The following TCP1 variants were observed in gnomAD, a reference collection of about 807,000 sequenced individuals.
TCP1 encodes the protein T-complex protein 1 subunit alpha.
Under a neutral mutation model 54.7 loss-of-function variants are expected in TCP1, and 6 were observed. That is an observed-to-expected ratio of 0.11 (90% CI 0.06 to 0.22). TCP1 has a LOEUF of 0.22. Ranked by LOEUF, TCP1 falls within the 10% of genes least tolerant of loss-of-function variation. TCP1 has a pLI of 1.00. For missense variants in TCP1, 511 were observed against 678.2 expected (o/e 0.75, Z 2.74); for synonymous variants, 225 against 229.7 (o/e 0.98, Z 0.19).
chr6:159,780,629 C>A, intron 8 of TCP1, 63 bp from the exon 9 acceptor site: 1 of 1,569,282 alleles, frequency 6.4e-7, no homozygotes, highest in Non-Finnish European at 8.6e-7. Flanking sequence ...TATCCTTGGA[C>A]TCAGTAGCAT....
At position 159,786,004 on chromosome 6, in the gene TCP1, AG is replaced by A; in HGVS notation, c.280-8del. 1 of 1,610,922 alleles carries A rather than the reference AG, an allele frequency of 6.2e-7. No individual in the cohort carries two copies. The highest frequency in any genetic ancestry group is 1.1e-5 in the South Asian group (1 of 90,980). On this transcript the variant is annotated splice_region_variant and splice_polypyrimidine_tract_variant and intron_variant, in intron 3 of 11. Coordinates refer to ENST00000321394, the MANE Select transcript of TCP1 (RefSeq NM_030752.3). The stretch of plus-strand genomic sequence containing the variant: ...GTTCTGCTGCAATAATAACCTGTTG[AG>A]AAAACATTCACTGGTCTGAGTGTGC...
At position 159,779,604 on chromosome 6, in the gene TCP1, A is replaced by C. The variant is rs767611091; in HGVS notation, c.1454+23T>G. ...TGCAACCTGTTCTGCAGAGGTTAAC[A>C]AAGAGCGGGAAACCATGCTTACCAT... is the stretch of plus-strand genomic sequence containing the variant. On this transcript the variant is annotated intron_variant, in intron 11 of 11. Transcript: ENST00000321394. The C allele has an allele frequency of 1.9e-6, 3 of 1,583,990 alleles. No individual in the cohort carries two copies. In the African/African-American group the frequency reaches 4.1e-5, roughly 22 times the overall value.
chr6:159,784,208 G>C (rs1780640019), intron 6 of TCP1, 141 bp from the exon 7 acceptor site: 3 of 1,048,138 alleles, frequency 2.9e-6, no homozygotes, highest in Non-Finnish European at 4.0e-6. Context: ...GGCATTAAAT[G>C]CACGTAATTT....
chr6:159,789,203 G>T (rs1780784950), intron 1 of TCP1: 4 of 570,342 alleles, frequency 7.0e-6, no homozygotes, highest in Non-Finnish European at 1.2e-5. Flanking sequence ...TGCCGCGCGC[G>T]GCGGGGCTCC....
At chr6:159,787,627 G>A (rs181961594) in intron 3 of TCP1, 116 bp downstream of exon 3, 17 of 1,273,790 alleles carry the variant, frequency 1.3e-5, no homozygotes, top group Admixed American at 6.9e-5. Context: ...AATCTTCTGG[G>A]CATTCAGAAT....
intron 7 of TCP1, among the ~76,000 whole-genome samples, chr6:159,782,301 CT>C (rs1270219897): frequency 6.6e-6 from 1 of 152,138 alleles, no homozygotes; most frequent in Non-Finnish European, 1.5e-5. Context: ...TCAAAAGCAG[CT>C]TGTCTACTAA....
At position 159,779,256 on chromosome 6, in the gene TCP1, C is replaced by G; in HGVS notation, c.1460G>C (p.Gly487Ala). ...AGGTTTACCATTGCTCAAATCAAGA[C>G]CAATCCTGCAATTAAGAAAGAATTA... ...NPERKNLKWI[G>A]LDLSNGKPRD... The change falls in exon 12 of 12, where the codon GGT becomes GCT. Residue 487 changes from glycine to alanine, a missense_variant. Physicochemically the swap from Gly to Ala is moderately conservative, Grantham distance 60. Coordinates refer to ENST00000321394, the MANE Select transcript of TCP1 (RefSeq NM_030752.3). 6.2e-7 allele frequency: 1 copy of G among 1,612,854 alleles called. No homozygotes were observed. Among genetic ancestry groups the G allele is most frequent in the Non-Finnish European group, 8.5e-7 (1 of 1,179,240 alleles).
intron 7 of TCP1, among the ~76,000 whole-genome samples, chr6:159,782,888 A>G (rs1780609791): frequency 6.6e-6 from 1 of 152,220 alleles, no homozygotes; most frequent in African/African-American, 2.4e-5. Flanking sequence ...GGACATAATC[A>G]AAGGGTTGCT....
rs2114989924 is a variant in TCP1 at position 159,780,105 on chromosome 6, A to G, written c.1098-18T>C. ...CCTTAGTACTGTTCAAAACAAAAGT[A>G]CAATTCTTGTAATAGCATTTTTAAA... On this transcript the variant is annotated intron_variant, in intron 9 of 11. Transcript: ENST00000321394. 6.3e-7 allele frequency: 1 copy of G among 1,591,526 alleles called. No individual in the cohort carries two copies. The highest frequency in any genetic ancestry group is 8.5e-7 in the Non-Finnish European group (1 of 1,171,120).
chr6:159,787,496 CTACT>C (rs1235068709), intron 3 of TCP1, among the ~76,000 whole-genome samples: 1 of 152,142 alleles, frequency 6.6e-6, no homozygotes, highest in African/African-American at 2.4e-5. Flanking sequence ...AAATTCTTTC[CTACT>C]TAAACTGTAC....
chr6:159,786,053 C>T (rs188421243), intron 3 of TCP1, 56 bp from the exon 4 acceptor site: 3 of 1,385,732 alleles, frequency 2.2e-6, no homozygotes, highest in East Asian at 2.3e-5. Flanking sequence ...ATGTGCAATA[C>T]ATATGGAATG....
intron 7 of TCP1, among the ~76,000 whole-genome samples, chr6:159,782,527 G>A (rs1055293456): frequency 2.0e-5 from 3 of 152,134 alleles, no homozygotes; most frequent in Non-Finnish European, 2.9e-5. Flanking sequence ...GAAATCAAGC[G>A]GTCTTGGTGA....
At position 159,780,422 on chromosome 6, in the gene TCP1, A is replaced by G. The variant is rs754031663; in HGVS notation, c.1097+21T>C. 4.3e-6 allele frequency: 7 copies of G among 1,613,302 alleles called. No individual in the cohort carries two copies. In the Admixed American group the frequency reaches 8.3e-5, roughly 19 times the overall value. ...TTAACAAAATCGGTATAACTTTACAATTTTAGAAAGTGGCTCTTACTTTTT... is the reference window on the plus strand; with the variant it reads ...TTAACAAAATCGGTATAACTTTACAGTTTTAGAAAGTGGCTCTTACTTTTT... On this transcript the variant is annotated intron_variant, in intron 9 of 11. Transcript: ENST00000321394.
rs185417242 is a variant in TCP1 at position 159,780,674 on chromosome 6, T to G, written c.974-108A>C. The G allele has an allele frequency of 2.4e-5, 34 of 1,435,034 alleles. No individual in the cohort carries two copies. In the African/African-American group the frequency reaches 4.4e-4, roughly 19 times the overall value. 88.9% of individuals were successfully genotyped at this position (1,435,034 alleles called of 1,614,324 possible). A position where few individuals can be genotyped will look rare whatever the true frequency, so the allele number is the denominator to read the frequency against. On this transcript the variant is annotated intron_variant, in intron 8 of 11. Coordinates refer to ENST00000321394, the MANE Select transcript of TCP1 (RefSeq NM_030752.3). ...AAGTGCTATATTACAAGTTTAGAAT[T>G]TAGTTAGGCAGCACACGGTAACTCC...
In TCP1 at chr6:159,779,476, G is replaced by A. The variant is rs541840299; in HGVS notation, c.1454+151C>T. The A allele has an allele frequency of 9.7e-6, 11 of 1,132,820 alleles. No homozygotes were observed. In the East Asian group the frequency reaches 2.0e-4, roughly 20 times the overall value. The allele number at this position is 1,132,820 out of a possible 1,614,324, so 70.2% of individuals were successfully genotyped here. A position where few individuals can be genotyped will look rare whatever the true frequency, so the allele number is the denominator to read the frequency against. On this transcript the variant is annotated intron_variant, in intron 11 of 11. Coordinates refer to ENST00000321394, the MANE Select transcript of TCP1 (RefSeq NM_030752.3). ...ATTAGTCATTATCCCTTGAATTACA[G>A]TGACTGAACAACAAATGCTTGCTGT...
chr6:159,786,916 C>T (rs1780711302), intron 3 of TCP1, among the ~76,000 whole-genome samples: 1 of 151,992 alleles, frequency 6.6e-6, no homozygotes, highest in South Asian at 2.1e-4. Flanking sequence ...TTCTCACACT[C>T]CCATTTTGAA....
chr6:159,784,379 A>T (rs1269563203), intron 6 of TCP1, among the ~76,000 whole-genome samples: 1 of 150,778 alleles, frequency 6.6e-6, no homozygotes, highest in African/African-American at 2.4e-5. Context: ...ATCTTGGCTC[A>T]CTGCAATCTC....
At chr6:159,779,868 T>C (rs372142663) in intron 10 of TCP1, 27 bp downstream of exon 10, 123 of 1,610,724 alleles carry the variant, frequency 7.6e-5, no homozygotes, top group Non-Finnish European at 9.8e-5. Context: ...CTCTCAGGCC[T>C]CTAAGACAAG....
At chr6:159,784,585 T>G in intron 6 of TCP1, 81 bp downstream of exon 6, 31 of 1,465,076 alleles carry the variant, frequency 2.1e-5, no homozygotes, top group Non-Finnish European at 2.6e-5. Flanking sequence ...ATTACAGGCA[T>G]GAGCCACCGC....
Sources: gnomAD v4.1 joint callset for allele counts (sites outside exome capture counted in the v4.1 genomes callset) on GRCh38, gnomAD v4.1.1 for gene constraint, MANE v1.5 for transcripts, NCBI Gene and HGNC (gene_info 2026-07-23, HGNC 2026-07-21) for gene names.